DISC1: variants seen among roughly 807,000 people sequenced by gnomAD.
DISC1 encodes the protein DISC1 scaffold protein.
A neutral mutation model predicts 84.5 loss-of-function variants in DISC1; 57 were observed. The ratio of observed to expected loss-of-function variants is 0.67; its 90% CI spans 0.55 to 0.84. DISC1 has a LOEUF of 0.84. Ranked by LOEUF, DISC1 falls within the 40% of genes least tolerant of loss-of-function variation. The pLI, the probability that DISC1 is intolerant of heterozygous loss-of-function variation, is 0.00. For missense variants in DISC1, 1,000 were observed against 1,057.8 expected (o/e 0.95, Z 0.76); for synonymous variants, 411 against 415.2 (o/e 0.99, Z 0.12).
At chr1:231,974,183 G>A (rs1662457717) in intron 10 of DISC1, among the ~76,000 whole-genome samples, 13 of 152,156 alleles carry the variant, frequency 8.5e-5, no homozygotes, top group Admixed American at 8.5e-4. Context: ...CAGCATGTGC[G>A]GGTGCGGGGC....
intron 9 of DISC1, among the ~76,000 whole-genome samples, chr1:231,891,716 T>C (rs957857127): frequency 1.3e-5 from 2 of 152,158 alleles, no homozygotes; most frequent in African/African-American, 2.4e-5. Context: ...TGCTGTTCCA[T>C]TGGCCTTTAG....
intron 11 of DISC1, among the ~76,000 whole-genome samples, chr1:232,016,372 T>A (rs1255315131): frequency 6.6e-6 from 1 of 152,172 alleles, no homozygotes; most frequent in Non-Finnish European, 1.5e-5. Context: ...CAAAAGGGCC[T>A]TAGGGTTGGA....
chr1:231,722,093 C>T (rs1356632763), intron 3 of DISC1, among the ~76,000 whole-genome samples: 2 of 143,524 alleles, frequency 1.4e-5, no homozygotes, highest in African/African-American at 5.3e-5. Context: ...GCGGAGCTTG[C>T]AGTGAGCCAA....
At chr1:231,757,743 C>G (rs538250602) in intron 4 of DISC1, among the ~76,000 whole-genome samples, 1 of 152,252 alleles carries the variant, frequency 6.6e-6, no homozygotes, top group East Asian at 1.9e-4. Flanking sequence ...CTCAGGCCAC[C>G]CTATAATAGA....
intron 1 of DISC1, among the ~76,000 whole-genome samples, chr1:231,652,600 G>A (rs1254570274): frequency 6.6e-6 from 1 of 152,126 alleles, no homozygotes; most frequent in Non-Finnish European, 1.5e-5. Flanking sequence ...GATCACTGAA[G>A]TCACATATTC....
At chr1:231,842,965 G>A (rs534192953) in intron 9 of DISC1, among the ~76,000 whole-genome samples, 3 of 152,174 alleles carry the variant, frequency 2.0e-5, no homozygotes, top group African/African-American at 7.2e-5. Flanking sequence ...TTTATAGTGA[G>A]CCACTACGTG....
intron 10 of DISC1, among the ~76,000 whole-genome samples, chr1:231,994,819 T>C (rs1408587134): frequency 6.6e-6 from 1 of 152,174 alleles, no homozygotes; most frequent in Non-Finnish European, 1.5e-5. Context: ...ATGAAGGGGA[T>C]TGTCATCGGT....
intron 8 of DISC1, among the ~76,000 whole-genome samples, chr1:231,808,424 A>T (rs1405750559): frequency 6.6e-6 from 1 of 152,180 alleles, no homozygotes; most frequent in Non-Finnish European, 1.5e-5. Context: ...ATCTTGTAGG[A>T]TCACTGATGT....
At chr1:231,794,928 T>G (rs6693574) in intron 6 of DISC1, among the ~76,000 whole-genome samples, 2 of 152,142 alleles carry the variant, frequency 1.3e-5, no homozygotes, top group East Asian at 3.8e-4. Flanking sequence ...AAGGTTGTTA[T>G]AGGAATGCAG....
intron 10 of DISC1, among the ~76,000 whole-genome samples, chr1:231,990,275 CAG>C (rs1248934652): frequency 6.6e-6 from 1 of 151,932 alleles, no homozygotes; most frequent in Non-Finnish European, 1.5e-5. Context: ...TGTTATAGAT[CAG>C]AGAGTCCTGG....
Position 232,038,430 on chromosome 1 carries a change from TC to T in DISC1, c.*1600del, listed in dbSNP as rs1334645561. Reference sequence around the variant, plus strand: ...CTAAACAAAGGAGTACCCTCTCTGGTCAAGTACCTTTGGTAAATACACCATA... The same window carrying T: ...CTAAACAAAGGAGTACCCTCTCTGGTAAGTACCTTTGGTAAATACACCATA... On this transcript the variant is annotated 3_prime_UTR_variant, in exon 13 of 13. Coordinates refer to ENST00000439617, the MANE Select transcript of DISC1 (RefSeq NM_018662.3). 2.6e-5 allele frequency: 4 copies of T among 152,104 alleles called. No individual in the cohort carries two copies. The highest frequency in any genetic ancestry group is 9.7e-5 in the African/African-American group (4 of 41,406). 9.4% of individuals were successfully genotyped at this position (152,104 alleles called of 1,614,324 possible).
At chr1:231,920,907 T>A (rs975890443) in intron 9 of DISC1, among the ~76,000 whole-genome samples, 14 of 30,126 alleles carry the variant, frequency 4.6e-4, no homozygotes, top group African/African-American at 1.3e-3. Flanking sequence ...GAACTGCTAT[T>A]TTTTTTTTTT....
Position 231,972,084 on chromosome 1 carries a change from C to T in DISC1, c.2042+13196C>T, listed in dbSNP as rs190971411. On this transcript the variant is annotated intron_variant, in intron 10 of 12. Coordinates refer to ENST00000439617, the MANE Select transcript of DISC1 (RefSeq NM_018662.3). ...AGTGCAGAGCGGTAATTACGCTGCCCGGTCTCACTTTGCAAATGAACTGAA... is the reference window on the plus strand; with the variant it reads ...AGTGCAGAGCGGTAATTACGCTGCCTGGTCTCACTTTGCAAATGAACTGAA... 5.3e-4 allele frequency among the ~76,000 whole-genome samples: 81 copies of T among 152,274 alleles called. 2 individuals are homozygous for T. Among genetic ancestry groups the T allele is most frequent in the South Asian group, 1.2e-3 (6 of 4,824 alleles).
At chr1:231,780,583 A>G (rs996405490) in intron 6 of DISC1, among the ~76,000 whole-genome samples, 1 of 132,168 alleles carries the variant, frequency 7.6e-6, no homozygotes, top group Non-Finnish European at 1.6e-5. Flanking sequence ...TAGTTCAACC[A>G]TTGTGGAAGT....
intron 9 of DISC1, among the ~76,000 whole-genome samples, chr1:231,862,655 G>A (rs1370300725): frequency 6.6e-6 from 1 of 152,180 alleles, no homozygotes; most frequent in South Asian, 2.1e-4. Context: ...GAGGATTTAA[G>A]TGTCTCTGGC....
At chr1:232,029,039 A>G (rs1380253781) in intron 12 of DISC1, among the ~76,000 whole-genome samples, 2 of 152,206 alleles carry the variant, frequency 1.3e-5, no homozygotes, top group African/African-American at 2.4e-5. Flanking sequence ...GAAAGCAGCC[A>G]TTGCCTATAA....
At chr1:231,952,707 A>ATG (rs1459872220) in intron 9 of DISC1, among the ~76,000 whole-genome samples, 44 of 141,822 alleles carry the variant, frequency 3.1e-4, no homozygotes, top group African/African-American at 1.1e-3. Flanking sequence ...ATATATATAT[A>ATG]TATATATGTA....
At chr1:231,959,782 T>G (rs979245469) in intron 10 of DISC1, among the ~76,000 whole-genome samples, 1 of 152,172 alleles carries the variant, frequency 6.6e-6, no homozygotes, top group African/African-American at 2.4e-5. Flanking sequence ...GCTCCTAGAC[T>G]TGGGAAGAAT....
chr1:231,784,211 C>T (rs1289974605), intron 6 of DISC1, among the ~76,000 whole-genome samples: 1 of 150,964 alleles, frequency 6.6e-6, no homozygotes, highest in Non-Finnish European at 1.5e-5. Context: ...TGCAGTAAAC[C>T]GAGATCGCAC....
Sources: allele counts gnomAD v4.1 joint callset (sites outside exome capture counted in the v4.1 genomes callset), GRCh38; gene constraint gnomAD v4.1.1; transcripts MANE v1.5; gene names NCBI Gene and HGNC (gene_info 2026-07-23, HGNC 2026-07-21).